SGCZ: variants seen among roughly 807,000 people sequenced by gnomAD.
The protein encoded by SGCZ is sarcoglycan zeta.
Under a neutral mutation model 41.3 loss-of-function variants are expected in SGCZ, and 40 were observed. That is an observed-to-expected ratio of 0.97 (90% CI 0.75 to 1.26). The LOEUF is 1.26. Among genes scored for constraint, SGCZ ranks in the 50% most tolerant of loss-of-function variants. The probability of loss-of-function intolerance (pLI) is 0.00; values close to 1 mark genes in which losing one functional copy is unlikely to be tolerated. For synonymous variants in SGCZ, 206 were observed against 137.5 expected, an observed-to-expected ratio of 1.50 and a Z score of -3.49; for missense variants, 552 against 369.8, an observed-to-expected ratio of 1.49 and a Z score of -4.04.
intron 1 of SGCZ, among the ~76,000 whole-genome samples, chr8:14,998,390 T>A (rs946312693): frequency 6.6e-6 from 1 of 152,238 alleles, no homozygotes; most frequent in African/African-American, 2.4e-5. Context: ...AAGCTGATGA[T>A]ATAATTTAGT....
intron 4 of SGCZ, among the ~76,000 whole-genome samples, chr8:14,212,585 T>A (rs1786085086): frequency 6.6e-6 from 1 of 151,320 alleles, no homozygotes; most frequent in South Asian, 2.1e-4. Flanking sequence ...GTGGCGTGAC[T>A]GATAAAATAG....
At chr8:14,215,180 G>A (rs569642936) in intron 4 of SGCZ, among the ~76,000 whole-genome samples, 3 of 152,156 alleles carry the variant, frequency 2.0e-5, no homozygotes, top group Non-Finnish European at 4.4e-5. Flanking sequence ...TGACTATACT[G>A]AATCAAACTA....
At chr8:14,384,792 C>T (rs548547117) in intron 2 of SGCZ, among the ~76,000 whole-genome samples, 29 of 152,280 alleles carry the variant, frequency 1.9e-4, no homozygotes, top group African/African-American at 7.0e-4. Context: ...CTCAAGTGAT[C>T]CGCCCGCCTT....
At chr8:14,417,826 T>C (rs1799536723) in intron 2 of SGCZ, among the ~76,000 whole-genome samples, 1 of 151,840 alleles carries the variant, frequency 6.6e-6, no homozygotes. Flanking sequence ...AATATCACAT[T>C]ATACAACTTA....
intron 1 of SGCZ, among the ~76,000 whole-genome samples, chr8:14,839,130 A>G (rs1802810566): frequency 6.6e-6 from 1 of 152,186 alleles, no homozygotes; most frequent in Non-Finnish European, 1.5e-5. Flanking sequence ...GTAACACTCC[A>G]GCTGAGAATT....
intron 1 of SGCZ, among the ~76,000 whole-genome samples, chr8:14,586,571 A>C (rs1450519462): frequency 6.6e-6 from 1 of 152,158 alleles, no homozygotes; most frequent in Non-Finnish European, 1.5e-5. Flanking sequence ...TTTTAATTAA[A>C]AAACAAATGA....
At chr8:14,102,098 A>T (rs772556351) in intron 7 of SGCZ, among the ~76,000 whole-genome samples, 21,577 of 118,900 alleles carry the variant, frequency 0.18, 1,787 homozygotes, top group Middle Eastern at 0.25. Flanking sequence ...ATATATATAT[A>T]TATATAATTT....
intron 2 of SGCZ, among the ~76,000 whole-genome samples, chr8:14,395,702 T>C (rs565633235): frequency 6.6e-6 from 1 of 152,242 alleles, no homozygotes; most frequent in Admixed American, 6.5e-5. Context: ...CTTCCTCACA[T>C]AACCTAGGTG....
At chr8:14,977,959 G>A (rs1374173784) in intron 1 of SGCZ, among the ~76,000 whole-genome samples, 1 of 150,580 alleles carries the variant, frequency 6.6e-6, no homozygotes, top group Non-Finnish European at 1.5e-5. Flanking sequence ...TTTTTCAAAT[G>A]CATAAATTTG....
At chr8:14,378,232 T>A (rs1295916054) in intron 2 of SGCZ, among the ~76,000 whole-genome samples, 1 of 151,560 alleles carries the variant, frequency 6.6e-6, no homozygotes, top group Non-Finnish European at 1.5e-5. Flanking sequence ...CTAACTGGTG[T>A]GAGATGGTAT....
chr8:15,150,583 C>G (rs1021104071), intron 1 of SGCZ, among the ~76,000 whole-genome samples: 1 of 152,082 alleles, frequency 6.6e-6, no homozygotes, highest in African/African-American at 2.4e-5. Context: ...GAAGTCGGTC[C>G]CTGTTGATAC....
chr8:14,218,853 A>G (rs934829746), intron 4 of SGCZ, among the ~76,000 whole-genome samples: 2 of 152,166 alleles, frequency 1.3e-5, no homozygotes, highest in African/African-American at 4.8e-5. Context: ...AAGCAATGAG[A>G]ACCTTGGCGA....
intron 1 of SGCZ, among the ~76,000 whole-genome samples, chr8:15,034,047 A>T (rs1803783366): frequency 6.6e-6 from 1 of 151,836 alleles, no homozygotes; most frequent in African/African-American, 2.4e-5. Flanking sequence ...ATTAAGAAGA[A>T]ATATTAAAAA....
chr8:14,835,485 T>A (rs572365371), intron 1 of SGCZ, among the ~76,000 whole-genome samples: 1 of 152,340 alleles, frequency 6.6e-6, no homozygotes, highest in Admixed American at 6.5e-5. Flanking sequence ...AATTGAAGAC[T>A]GTGTCTGCAG....
At chr8:14,329,384 C>G (rs1297292283) in intron 2 of SGCZ, among the ~76,000 whole-genome samples, 2 of 151,924 alleles carry the variant, frequency 1.3e-5, no homozygotes, top group Non-Finnish European at 2.9e-5. Flanking sequence ...AATAGTTATT[C>G]CCTTTACTTG....
At chr8:15,233,750 T>C (rs1437747041) in intron 1 of SGCZ, among the ~76,000 whole-genome samples, 1 of 152,148 alleles carries the variant, frequency 6.6e-6, no homozygotes, top group Non-Finnish European at 1.5e-5. Flanking sequence ...TGCAAAATAA[T>C]TAAGAAAATA....
intron 3 of SGCZ, among the ~76,000 whole-genome samples, chr8:14,284,759 G>T (rs1460986237): frequency 6.6e-6 from 1 of 151,946 alleles, no homozygotes; most frequent in African/African-American, 2.4e-5. Context: ...ATACTAGAGT[G>T]CATATTTGGT....
chr8:14,817,104 A>G (rs187336035), intron 1 of SGCZ, among the ~76,000 whole-genome samples: 4 of 152,268 alleles, frequency 2.6e-5, no homozygotes, highest in South Asian at 2.1e-4. Flanking sequence ...TCCCCTTCCC[A>G]GTAGTTATAC....
chr8:14,808,174 A>C (rs1230759327), intron 1 of SGCZ, among the ~76,000 whole-genome samples: 1 of 152,234 alleles, frequency 6.6e-6, no homozygotes, highest in African/African-American at 2.4e-5. Flanking sequence ...GGCATGGGCA[A>C]GGACTTCATG....
Sources: allele counts gnomAD v4.1 joint callset (sites outside exome capture counted in the v4.1 genomes callset), GRCh38; gene constraint gnomAD v4.1.1; transcripts MANE v1.5; gene names NCBI Gene and HGNC (gene_info 2026-07-23, HGNC 2026-07-21).